Variants in SIPA1L3 observed in about 807,000 individuals in gnomAD.
The protein encoded by SIPA1L3 is signal induced proliferation associated 1 like 3.
In SIPA1L3, 59 loss-of-function variants were observed where a neutral mutation model predicts 150.1. That is an observed-to-expected ratio of 0.39 (90% confidence interval 0.32 to 0.49). The LOEUF (loss-of-function observed/expected upper bound fraction) is 0.49, where lower values mean the gene tolerates loss of function less well. Ranked by LOEUF, SIPA1L3 falls within the 20% of genes least tolerant of loss-of-function variation. The pLI is 0.86. For synonymous variants in SIPA1L3, 1,070 were observed against 1,077.6 expected, an observed-to-expected ratio of 0.99 and a Z score of 0.14; for missense variants, 2,211 against 2,489.5, an observed-to-expected ratio of 0.89 and a Z score of 2.38.
rs775233015 is a variant in SIPA1L3 at position 38,082,323 on chromosome 19, G to C, written c.758G>C (p.Gly253Ala). The change falls in exon 3 of 22, where the codon GGC becomes GCC. Residue 253 changes from glycine to alanine, a missense_variant. By Grantham distance (60) the Gly-to-Ala change is moderately conservative. This residue lies in a region of SIPA1L3 where 587 missense variants were observed against 534.5 expected (regional missense o/e 1.10). Transcript: ENST00000222345. ...GATCCTGGCCCACACCTCATGGGGG[G>C]CGGCGGCGGAGCCAAGGGGGACTCC... ...RADPGPHLMG[G>A]GGGAKGDSHN... 1.3e-6 allele frequency: 2 copies of C among 1,598,690 alleles called. No individual in the cohort carries two copies. The highest frequency in any genetic ancestry group is 1.7e-6 in the Non-Finnish European group (2 of 1,178,928).
chr19:38,139,067 A>T (rs1971509949), intron 10 of SIPA1L3, among the ~76,000 whole-genome samples: 1 of 151,482 alleles, frequency 6.6e-6, no homozygotes, highest in Non-Finnish European at 1.5e-5. Context: ...GTGGTGGCAC[A>T]CACCTGTAGT....
intron 2 of SIPA1L3, among the ~76,000 whole-genome samples, chr19:38,032,917 G>A (rs2145724430): frequency 6.6e-6 from 1 of 152,250 alleles, no homozygotes; most frequent in Middle Eastern, 3.4e-3. Context: ...GATGTATATA[G>A]GAGTATATAG....
At chr19:38,101,781 A>T (rs1970509163) in intron 6 of SIPA1L3, among the ~76,000 whole-genome samples, 1 of 152,184 alleles carries the variant, frequency 6.6e-6, no homozygotes, top group South Asian at 2.1e-4. Flanking sequence ...TCTGTGACTC[A>T]GCTCCTGCAC....
intron 4 of SIPA1L3, among the ~76,000 whole-genome samples, chr19:38,095,835 G>C (rs1654364): frequency 6.6e-6 from 1 of 152,162 alleles, no homozygotes; most frequent in African/African-American, 2.4e-5. Flanking sequence ...TAAGTCACCC[G>C]TCTCCAGGGA....
intron 1 of SIPA1L3, among the ~76,000 whole-genome samples, chr19:38,004,591 A>C (rs1228974499): frequency 6.6e-6 from 1 of 152,174 alleles, no homozygotes; most frequent in African/African-American, 2.4e-5. Flanking sequence ...TTGTGTCCTT[A>C]TCCCTGTCCT....
chr19:38,129,079 G>A (rs914931174), intron 9 of SIPA1L3, among the ~76,000 whole-genome samples: 1 of 152,098 alleles, frequency 6.6e-6, no homozygotes, highest in Non-Finnish European at 1.5e-5. Context: ...TTGACAACTT[G>A]CTTAATAGCC....
chr19:37,956,294 G>T (rs2046809918), intron 1 of SIPA1L3, among the ~76,000 whole-genome samples: 2 of 152,022 alleles, frequency 1.3e-5, no homozygotes, highest in Admixed American at 6.6e-5. Flanking sequence ...GTGCTTATTG[G>T]CCATTCGTGT....
intron 2 of SIPA1L3, among the ~76,000 whole-genome samples, chr19:38,069,324 A>T (rs879939471): frequency 2.6e-5 from 4 of 152,152 alleles, no homozygotes; most frequent in Non-Finnish European, 5.9e-5. Flanking sequence ...AGTGCCCTTC[A>T]TACCTATAAC....
At chr19:38,117,048 A>G (rs1300805259) in intron 8 of SIPA1L3, among the ~76,000 whole-genome samples, 4 of 152,214 alleles carry the variant, frequency 2.6e-5, no homozygotes, top group Non-Finnish European at 4.4e-5. Context: ...ACTCATCAAC[A>G]GATCTTCTCC....
chr19:38,027,552 G>A (rs1213751640), intron 1 of SIPA1L3, among the ~76,000 whole-genome samples: 2 of 152,132 alleles, frequency 1.3e-5, no homozygotes, highest in African/African-American at 2.4e-5. Context: ...ATGGTATTGG[G>A]GAAGTGGAGC....
intron 1 of SIPA1L3, among the ~76,000 whole-genome samples, chr19:38,001,712 G>C (rs969057898): frequency 6.6e-6 from 1 of 152,226 alleles, no homozygotes; most frequent in African/African-American, 2.4e-5. Context: ...ACAGGCATGA[G>C]CCACCGTGCC....
chr19:38,092,103 A>G (rs536798636), intron 4 of SIPA1L3, among the ~76,000 whole-genome samples: 1 of 151,474 alleles, frequency 6.6e-6, no homozygotes, highest in African/African-American at 2.4e-5. Context: ...ATAGGCAGGC[A>G]TGGTGGCTCA....
intron 15 of SIPA1L3, among the ~76,000 whole-genome samples, chr19:38,166,223 A>G (rs1416629006): frequency 6.6e-6 from 1 of 151,530 alleles, no homozygotes; most frequent in Non-Finnish European, 1.5e-5. Context: ...TGGGAGGCCA[A>G]GGCGGGTGGA....
chr19:38,028,320 C>T (rs1274454673), intron 1 of SIPA1L3, among the ~76,000 whole-genome samples: 2 of 152,218 alleles, frequency 1.3e-5, no homozygotes, highest in African/African-American at 4.8e-5. Flanking sequence ...CCCCCTGCCA[C>T]CGCTTGCCCC....
Position 38,119,735 on chromosome 19 carries a change from G to C in SIPA1L3, c.2721G>C (p.Val907=). 6.2e-7 allele frequency: 1 copy of C among 1,614,114 alleles called. No individual in the cohort carries two copies. The highest frequency in any genetic ancestry group is 8.5e-7 in the Non-Finnish European group (1 of 1,180,020). Residue 907 remains valine (V), a synonymous_variant, in exon 9 of 22, where the codon GTG becomes GTC. Transcript: ENST00000222345. ...VVLLDLRTKE[V]VFNCYCGDVI... ...TCCTGGACTTACGCACCAAGGAGGTGGTGTTCAACTGCTACTGCGGGGATG... is the reference window on the plus strand; with the variant it reads ...TCCTGGACTTACGCACCAAGGAGGTCGTGTTCAACTGCTACTGCGGGGATG...
chr19:38,120,668 G>T (rs1348250380), intron 9 of SIPA1L3, among the ~76,000 whole-genome samples: 1 of 152,164 alleles, frequency 6.6e-6, no homozygotes, highest in East Asian at 1.9e-4. Context: ...GGTTTAACTT[G>T]CCCTATTAAA....
At chr19:38,146,580 C>A (rs1971707633) in intron 12 of SIPA1L3, among the ~76,000 whole-genome samples, 1 of 151,978 alleles carries the variant, frequency 6.6e-6, no homozygotes, top group South Asian at 2.1e-4. Context: ...GGATAAATGC[C>A]CAGGAGTACA....
At chr19:38,073,023 G>A (rs927374920) in intron 2 of SIPA1L3, among the ~76,000 whole-genome samples, 1 of 152,242 alleles carries the variant, frequency 6.6e-6, no homozygotes, top group African/African-American at 2.4e-5. Context: ...CAATCAGGAT[G>A]GCTACAGATG....
intron 2 of SIPA1L3, among the ~76,000 whole-genome samples, chr19:38,058,653 C>G (rs1272646477): frequency 2.0e-5 from 3 of 152,134 alleles, no homozygotes; most frequent in African/African-American, 7.2e-5. Context: ...GAATCTCAAG[C>G]TATGGCATGA....
Sources: gnomAD v4.1 joint callset for allele counts (sites outside exome capture counted in the v4.1 genomes callset) on GRCh38, gnomAD v4.1.1 for gene constraint, gnomAD v4.1.1 regional missense constraint, MANE v1.5 for transcripts, NCBI Gene and HGNC (gene_info 2026-07-23, HGNC 2026-07-21) for gene names.